Variants in ANK3 observed in about 807,000 individuals in gnomAD.
ANK3 encodes the protein ankyrin-3.
Under a neutral mutation model 370.9 loss-of-function variants are expected in ANK3, and 57 were observed. The ratio of observed to expected loss-of-function variants is 0.15; its 90% CI spans 0.12 to 0.19. ANK3 has a LOEUF of 0.19. Among genes scored for constraint, ANK3 ranks in the 10% least tolerant of loss-of-function variants. ANK3 has a pLI of 1.00. For synonymous variants in ANK3, 1,929 were observed against 1,946.3 expected (o/e 0.99, Z 0.23); for missense variants, 4,439 against 5,302.1 (o/e 0.84, Z 5.06).
At chr10:60,487,514 T>C (rs867792217) in intron 2 of ANK3, among the ~76,000 whole-genome samples, 2 of 152,262 alleles carry the variant, frequency 1.3e-5, no homozygotes, top group Middle Eastern at 3.4e-3. Flanking sequence ...CAGTGATTCT[T>C]AAATTTTAGT....
chr10:60,053,257 A>T (rs1313747450), intron 42 of ANK3, among the ~76,000 whole-genome samples: 1 of 152,224 alleles, frequency 6.6e-6, no homozygotes, highest in East Asian at 1.9e-4. Context: ...TTCCAGGATT[A>T]ATGGGTTGGA....
chr10:60,344,561 TAAAGAACACTCCTCTTA>T (rs1312525670), intron 1 of ANK3, among the ~76,000 whole-genome samples: 1 of 152,148 alleles, frequency 6.6e-6, no homozygotes, highest in African/African-American at 2.4e-5. Context: ...CGGGCCATTA[TAAAGAACACTCCTCTTA>T]AAAATGTTGC....
At chr10:60,478,089 A>G (rs972562527) in intron 2 of ANK3, among the ~76,000 whole-genome samples, 4 of 152,090 alleles carry the variant, frequency 2.6e-5, no homozygotes, top group African/African-American at 9.7e-5. Flanking sequence ...GGGAGAATGA[A>G]TTCATCATTA....
At chr10:60,367,981 C>T (rs535560718) in intron 1 of ANK3, among the ~76,000 whole-genome samples, 1 of 152,236 alleles carries the variant, frequency 6.6e-6, no homozygotes, top group East Asian at 1.9e-4. Flanking sequence ...AATTTTATGG[C>T]TTGTCTAATG....
intron 27 of ANK3, among the ~76,000 whole-genome samples, chr10:60,107,821 T>C (rs1385376620): frequency 6.6e-6 from 1 of 152,166 alleles, no homozygotes; most frequent in Non-Finnish European, 1.5e-5. Context: ...AAATGTTGAC[T>C]CAAAGCCTGC....
At chr10:60,453,864 C>T (rs1277944740) in intron 2 of ANK3, among the ~76,000 whole-genome samples, 1 of 152,084 alleles carries the variant, frequency 6.6e-6, no homozygotes, top group Non-Finnish European at 1.5e-5. Context: ...TCTATATATT[C>T]CCATTATAAC....
chr10:60,525,122 G>A (rs1263097680), intron 2 of ANK3, among the ~76,000 whole-genome samples: 1 of 152,030 alleles, frequency 6.6e-6, no homozygotes, highest in Non-Finnish European at 1.5e-5. Context: ...GCAATTGTAG[G>A]AGAAACTGGT....
chr10:60,173,338 T>G (rs1366617611), intron 18 of ANK3, 152 bp from the exon 19 acceptor site: 2 of 603,064 alleles, frequency 3.3e-6, no homozygotes, highest in African/African-American at 3.7e-5. Context: ...TTGCCCTTGA[T>G]AATTCTCAGC....
At chr10:60,600,897 A>G (rs1264202005) in intron 2 of ANK3, among the ~76,000 whole-genome samples, 5 of 151,994 alleles carry the variant, frequency 3.3e-5, no homozygotes, top group Non-Finnish European at 5.9e-5. Flanking sequence ...AAGGTAGCTC[A>G]TTGTTTATTT....
intron 2 of ANK3, among the ~76,000 whole-genome samples, chr10:60,530,874 T>C (rs2076590778): frequency 1.3e-5 from 2 of 152,162 alleles, no homozygotes; most frequent in Non-Finnish European, 2.9e-5. Flanking sequence ...ATTGAATCTG[T>C]GAACACCTCA....
intron 6 of ANK3, 82 bp from the exon 7 acceptor site, chr10:60,262,039 TA>T: frequency 8.1e-7 from 1 of 1,229,382 alleles, no homozygotes; most frequent in Non-Finnish European, 1.2e-6. Context: ...CCTGCCCAAA[TA>T]AAAATGAGGA....
chr10:60,052,541 C>A (rs567581006), intron 42 of ANK3, among the ~76,000 whole-genome samples: 1 of 151,952 alleles, frequency 6.6e-6, no homozygotes, highest in Non-Finnish European at 1.5e-5. Context: ...CTTTCACAGA[C>A]AAGAATATAG....
At chr10:60,700,450 TC>T (rs1177288517) in intron 1 of ANK3, among the ~76,000 whole-genome samples, 3 of 151,958 alleles carry the variant, frequency 2.0e-5, no homozygotes, top group Non-Finnish European at 2.9e-5. Context: ...TGAAAAAATT[TC>T]CCCCCTGGAA....
rs373156861 is a variant in ANK3, at chr10:60,660,934, A to ACACACACACACC, written c.58-45711_58-45710insGGTGTGTGTGTG. Among the ~76,000 whole-genome samples, 1,150 of 151,848 alleles carry ACACACACACACC rather than the reference A, an allele frequency of 7.6e-3. 6 individuals carry two copies. The highest frequency in any genetic ancestry group is 9.4e-3 in the Non-Finnish European group (639 of 67,930). On this transcript the variant is annotated intron_variant, in intron 1 of 43. Coordinates refer to the ANK3 transcript ENST00000373827. ...AATACACACTCACACACACACACACACCCCACATCTATAAGACATAACACA... is the reference window on the plus strand; with the variant it reads ...AATACACACTCACACACACACACACACACACACACACCCCCCACATCTATAAGACATAACACA...
At chr10:60,393,367 A>G (rs558319483), upstream of ANK3, among the ~76,000 whole-genome samples, 1 of 152,210 alleles carries the variant, frequency 6.6e-6, no homozygotes, top group Non-Finnish European at 1.5e-5. Flanking sequence ...CCCTGCTAAA[A>G]ATTGTCCGAA....
chr10:60,381,502 T>C (rs1347185910), intron 1 of ANK3, among the ~76,000 whole-genome samples: 3 of 152,216 alleles, frequency 2.0e-5, no homozygotes, highest in Non-Finnish European at 4.4e-5. Context: ...AAATGGTTGT[T>C]TGGGAATGAC....
intron 2 of ANK3, among the ~76,000 whole-genome samples, chr10:60,593,471 C>T (rs1202617473): frequency 1.3e-5 from 2 of 152,140 alleles, no homozygotes; most frequent in African/African-American, 4.8e-5. Context: ...TAATAAAAGG[C>T]AGCTTTAGGA....
chr10:60,556,080 C>T (rs1266534638), intron 2 of ANK3, among the ~76,000 whole-genome samples: 2 of 152,168 alleles, frequency 1.3e-5, no homozygotes, highest in Admixed American at 6.5e-5. Flanking sequence ...TTTATAACAT[C>T]GCTCAGGGGC....
intron 2 of ANK3, among the ~76,000 whole-genome samples, chr10:60,526,390 A>C (rs559891423): frequency 6.6e-6 from 1 of 152,250 alleles, no homozygotes; most frequent in Non-Finnish European, 1.5e-5. Context: ...GCGATTATAA[A>C]ATATAACATT....
Sources: allele counts gnomAD v4.1 joint callset (sites outside exome capture counted in the v4.1 genomes callset), GRCh38; gene constraint gnomAD v4.1.1; transcripts MANE v1.5; gene names NCBI Gene and HGNC (gene_info 2026-07-23, HGNC 2026-07-21).